The following CRY1 variants were observed in gnomAD, a reference collection of about 807,000 sequenced individuals.
The protein encoded by CRY1 is cryptochrome-1.
A neutral mutation model predicts 76.0 loss-of-function variants in CRY1; 45 were observed. The ratio of observed to expected loss-of-function variants is 0.59; its 90% CI spans 0.47 to 0.76. The LOEUF (loss-of-function observed/expected upper bound fraction) is 0.76, where lower values mean the gene tolerates loss of function less well. CRY1 is among the 30% of genes least tolerant of loss of function. CRY1 has a pLI of 0.00. For synonymous variants in CRY1, 248 were observed against 244.0 expected (o/e 1.02, Z -0.15); for missense variants, 587 against 716.4 (o/e 0.82, Z 2.06).
intron 1 of CRY1, among the ~76,000 whole-genome samples, chr12:107,081,710 C>T (rs1175987712): frequency 6.6e-6 from 1 of 152,032 alleles, no homozygotes; most frequent in Non-Finnish European, 1.5e-5. Context: ...GAATACATCC[C>T]TGCTATGGTC....
intron 1 of CRY1, among the ~76,000 whole-genome samples, chr12:107,066,788 G>T (rs1423969332): frequency 4.0e-5 from 6 of 151,482 alleles, no homozygotes; most frequent in African/African-American, 7.3e-5. Context: ...TGTTGTTGCT[G>T]TTGTTTGTTT....
In CRY1 at chr12:107,024,392, A is replaced by G. The variant is rs144899754; in HGVS notation, c.159-2200T>C. On this transcript the variant is annotated intron_variant, in intron 1 of 12. Coordinates refer to ENST00000008527, the MANE Select transcript of CRY1 (RefSeq NM_004075.5). The stretch of plus-strand genomic sequence containing the variant: ...TTAATAGGCTGAATAAGCATTCCGA[A>G]TGCTTTTAATAAACATTCTTTTTTT... Among the ~76,000 whole-genome samples, 5 of 152,236 alleles carry G rather than the reference A, an allele frequency of 3.3e-5. No homozygotes were observed. The East Asian group carries it at 9.7e-4, about 29-fold the overall frequency.
intron 1 of CRY1, among the ~76,000 whole-genome samples, chr12:107,048,383 C>A (rs1952874652): frequency 6.6e-6 from 1 of 152,130 alleles, no homozygotes; most frequent in East Asian, 1.9e-4. Context: ...CCCAGCCATT[C>A]ATTCAGATTT....
chr12:106,995,906 C>T (rs749431957), intron 10 of CRY1, among the ~76,000 whole-genome samples: 43 of 152,222 alleles, frequency 2.8e-4, no homozygotes, highest in Non-Finnish European at 5.0e-4. Context: ...TGCAATGGCG[C>T]GATCTCAGCT....
At chr12:107,038,483 AT>A (rs1362900282) in intron 1 of CRY1, among the ~76,000 whole-genome samples, 2 of 152,248 alleles carry the variant, frequency 1.3e-5, no homozygotes, top group Non-Finnish European at 2.9e-5. Flanking sequence ...GGATTGACTT[AT>A]AAAAGAAATG....
At chr12:107,069,750 T>C (rs990118622) in intron 1 of CRY1, among the ~76,000 whole-genome samples, 1 of 146,362 alleles carries the variant, frequency 6.8e-6, no homozygotes, top group Non-Finnish European at 1.5e-5. Flanking sequence ...TAAGTATATA[T>C]ATAAAGTATA....
intron 1 of CRY1, among the ~76,000 whole-genome samples, chr12:107,069,220 G>A (rs556100839): frequency 5.4e-5 from 7 of 129,494 alleles, no homozygotes; most frequent in African/African-American, 1.7e-4. Context: ...ATTACTTTCC[G>A]TTTAAATTTT....
At chr12:107,001,235 C>T in intron 5 of CRY1, 45 bp downstream of exon 5, 1 of 1,368,128 alleles carries the variant, frequency 7.3e-7, no homozygotes, top group Non-Finnish European at 1.0e-6. Context: ...TTTTAAATGG[C>T]AGTTTGGAAA....
At chr12:107,028,128 T>C (rs1378534004) in intron 1 of CRY1, among the ~76,000 whole-genome samples, 1 of 151,496 alleles carries the variant, frequency 6.6e-6, no homozygotes, top group East Asian at 1.9e-4. Flanking sequence ...AAAACAAGAG[T>C]TAAATGTAGA....
chr12:107,034,830 T>C (rs1952715948), intron 1 of CRY1, among the ~76,000 whole-genome samples: 1 of 152,146 alleles, frequency 6.6e-6, no homozygotes, highest in Admixed American at 6.5e-5. Context: ...AATACATAAA[T>C]AAGCGTTTCA....
At chr12:107,016,067 T>C (rs1309799321) in intron 2 of CRY1, among the ~76,000 whole-genome samples, 1 of 152,192 alleles carries the variant, frequency 6.6e-6, no homozygotes, top group African/African-American at 2.4e-5. Flanking sequence ...CCCAGCACTT[T>C]GGGAGGCAAA....
At chr12:107,090,106 T>C (rs1320552035) in intron 1 of CRY1, among the ~76,000 whole-genome samples, 2 of 152,084 alleles carry the variant, frequency 1.3e-5, no homozygotes, top group Non-Finnish European at 2.9e-5. Flanking sequence ...CTTTTTTTTT[T>C]TGAGACAGAG....
At chr12:107,025,115 ATACT>A (rs1952593731) in intron 1 of CRY1, among the ~76,000 whole-genome samples, 1 of 152,350 alleles carries the variant, frequency 6.6e-6, no homozygotes, top group African/African-American at 2.4e-5. Context: ...AATTGGAAAA[ATACT>A]TACCAAGCTA....
Position 107,080,907 on chromosome 12 carries a change from T to C in CRY1, c.158+11897A>G, listed in dbSNP as rs146385303. On this transcript the variant is annotated intron_variant, in intron 1 of 12. Transcript: ENST00000008527. ...CACAGTTAATGCTAAGTTCTGTTCC[T>C]TTGTTGTTACAGGTTGTGTATGTTT... Among the ~76,000 whole-genome samples, 302 of 152,256 alleles carry C rather than the reference T, an allele frequency of 2.0e-3. 1 individual carries two copies. Among genetic ancestry groups the C allele is most frequent in the African/African-American group, 6.6e-3 (276 of 41,578 alleles).
intron 2 of CRY1, among the ~76,000 whole-genome samples, chr12:107,021,743 C>T (rs1298048562): frequency 2.0e-5 from 3 of 151,472 alleles, no homozygotes; most frequent in Non-Finnish European, 2.9e-5. Flanking sequence ...TATATATATA[C>T]ACACACAAAA....
chr12:106,998,958 C>T (rs1039812005), intron 7 of CRY1, among the ~76,000 whole-genome samples: 4 of 150,018 alleles, frequency 2.7e-5, no homozygotes, highest in African/African-American at 9.9e-5. Flanking sequence ...AGGAGAATCA[C>T]TTGAACCTGG....
chr12:107,049,970 A>G (rs1363326855), intron 1 of CRY1: 2 of 152,210 alleles, frequency 1.3e-5, no homozygotes, highest in Non-Finnish European at 2.9e-5. Context: ...AATGGCCCTA[A>G]TTGCTATAAA....
At chr12:106,998,529 C>T (rs938806145) in intron 7 of CRY1, among the ~76,000 whole-genome samples, 1 of 152,008 alleles carries the variant, frequency 6.6e-6, no homozygotes, top group Non-Finnish European at 1.5e-5. Context: ...ACTAGCATTA[C>T]ATAGTTTAAT....
At chr12:107,084,872 A>G (rs1238187032) in intron 1 of CRY1, among the ~76,000 whole-genome samples, 1 of 152,186 alleles carries the variant, frequency 6.6e-6, no homozygotes, top group Non-Finnish European at 1.5e-5. Flanking sequence ...AACCATCATC[A>G]GAGTGAACAG....
Sources: gnomAD v4.1 joint callset for allele counts (sites outside exome capture counted in the v4.1 genomes callset) on GRCh38, gnomAD v4.1.1 for gene constraint, MANE v1.5 for transcripts, NCBI Gene and HGNC (gene_info 2026-07-23, HGNC 2026-07-21) for gene names.